The following CDH13 variants were observed in gnomAD, a reference collection of about 807,000 sequenced individuals.
CDH13 encodes the protein cadherin 13, also known as cadherin-13.
In CDH13, 24 loss-of-function variants were observed where a neutral mutation model predicts 63.8. The observed-to-expected ratio is 0.38, with a 90% CI of 0.27 to 0.53. The LOEUF is 0.53. Ranked by LOEUF, CDH13 falls within the 20% of genes least tolerant of loss-of-function variation. The pLI, the probability that CDH13 is intolerant of heterozygous loss-of-function variation, is 0.85. For synonymous variants in CDH13, 503 were observed against 355.3 expected (o/e 1.42, Z -4.67); for missense variants, 1,049 against 903.1 (o/e 1.16, Z -2.07).
At chr16:83,005,553 T>C (rs1440794652) in intron 2 of CDH13, among the ~76,000 whole-genome samples, 1 of 151,888 alleles carries the variant, frequency 6.6e-6, no homozygotes, top group Non-Finnish European at 1.5e-5. Flanking sequence ...TTTCCAGTTG[T>C]GAAGGGCAAA....
At chr16:82,912,573 C>T (rs1947692087) in intron 2 of CDH13, among the ~76,000 whole-genome samples, 1 of 152,278 alleles carries the variant, frequency 6.6e-6, no homozygotes, top group East Asian at 1.9e-4. Flanking sequence ...GATTGAAATA[C>T]TCTTAGTTGG....
intron 1 of CDH13, among the ~76,000 whole-genome samples, chr16:82,722,284 A>C (rs1252088134): frequency 6.6e-6 from 1 of 152,152 alleles, no homozygotes; most frequent in African/African-American, 2.4e-5. Context: ...GAATCTTGTT[A>C]AATGGTTTCT....
chr16:82,901,267 G>C (rs1425313597), intron 2 of CDH13, among the ~76,000 whole-genome samples: 1 of 151,322 alleles, frequency 6.6e-6, no homozygotes, highest in African/African-American at 2.4e-5. Flanking sequence ...CTCCTTGCAG[G>C]CCTTCAAATA....
At chr16:83,294,402 C>A (rs1040283585) in intron 5 of CDH13, among the ~76,000 whole-genome samples, 2 of 152,140 alleles carry the variant, frequency 1.3e-5, no homozygotes, top group Admixed American at 1.3e-4. Flanking sequence ...CAATTCCCTG[C>A]AACCACCCCA....
intron 7 of CDH13, 32 bp from the exon 8 acceptor site, chr16:83,602,422 T>C (rs1907937247): frequency 1.2e-6 from 2 of 1,612,964 alleles, no homozygotes; most frequent in Non-Finnish European, 1.7e-6. Context: ...AATCTAAATG[T>C]CATATTATTT....
At chr16:82,680,340 C>T (rs1914410912) in intron 1 of CDH13, among the ~76,000 whole-genome samples, 1 of 152,206 alleles carries the variant, frequency 6.6e-6, no homozygotes, top group Admixed American at 6.5e-5. Flanking sequence ...CCCTCATTCA[C>T]ATTCTACACA....
intron 8 of CDH13, among the ~76,000 whole-genome samples, chr16:83,644,965 C>T (rs542260885): frequency 7.9e-5 from 12 of 152,180 alleles, no homozygotes; most frequent in South Asian, 2.1e-4. Flanking sequence ...CTGGGCTCCT[C>T]GCTTGGACTT....
intron 3 of CDH13, among the ~76,000 whole-genome samples, chr16:83,034,270 T>G (rs1198877000): frequency 6.6e-6 from 1 of 152,144 alleles, no homozygotes; most frequent in Non-Finnish European, 1.5e-5. Flanking sequence ...CATTTAGTGG[T>G]GTTTCTGAGG....
chr16:83,677,150 C>T (rs1419443909), intron 9 of CDH13, among the ~76,000 whole-genome samples: 1 of 152,184 alleles, frequency 6.6e-6, no homozygotes, highest in Non-Finnish European at 1.5e-5. Context: ...CTGACAGAGA[C>T]CCACTCTGGG....
chr16:82,696,837 C>G (rs1025721226), intron 1 of CDH13, among the ~76,000 whole-genome samples: 1 of 152,144 alleles, frequency 6.6e-6, no homozygotes. Context: ...ATACTGTTGT[C>G]AAGATGTTGG....
intron 3 of CDH13, among the ~76,000 whole-genome samples, 199 bp from the exon 4 acceptor site, chr16:83,125,186 G>T (rs1002316760): frequency 3.3e-5 from 5 of 152,174 alleles, no homozygotes; most frequent in Non-Finnish European, 7.4e-5. Flanking sequence ...ATAGCTTAAT[G>T]ATAGTTATAG....
At chr16:82,741,082 C>G (rs1335509724) in intron 1 of CDH13, among the ~76,000 whole-genome samples, 4 of 152,294 alleles carry the variant, frequency 2.6e-5, no homozygotes, top group African/African-American at 9.6e-5. Context: ...CCCACACCCC[C>G]AAACCCAACA....
At chr16:82,939,148 G>A (rs1263102729) in intron 2 of CDH13, among the ~76,000 whole-genome samples, 1 of 152,192 alleles carries the variant, frequency 6.6e-6, no homozygotes, top group Non-Finnish European at 1.5e-5. Context: ...ACAAGGCTGG[G>A]TGCAGTGGCT....
At chr16:83,323,751 C>G (rs900875271) in intron 5 of CDH13, among the ~76,000 whole-genome samples, 4 of 152,242 alleles carry the variant, frequency 2.6e-5, no homozygotes, top group South Asian at 2.1e-4. Context: ...GGCCATCACA[C>G]TCTCCCTGCA....
intron 2 of CDH13, among the ~76,000 whole-genome samples, chr16:82,930,842 T>C (rs1389755584): frequency 6.6e-6 from 1 of 152,196 alleles, no homozygotes; most frequent in Non-Finnish European, 1.5e-5. Flanking sequence ...TAGGAAATGA[T>C]GACCTATCAG....
chr16:83,045,634 TAAA>T (rs71382861), intron 3 of CDH13, among the ~76,000 whole-genome samples: 18 of 107,910 alleles, frequency 1.7e-4, no homozygotes, highest in African/African-American at 5.2e-4. Context: ...AAGATTCCTT[TAAA>T]AAAAAAAAAA....
intron 13 of CDH13, among the ~76,000 whole-genome samples, chr16:83,793,975 A>G (rs1168606805): frequency 6.6e-6 from 1 of 152,156 alleles, no homozygotes; most frequent in Non-Finnish European, 1.5e-5. Flanking sequence ...ACAGAAACAG[A>G]GGGAGGTCAG....
At chr16:83,768,270 G>GA (rs11295084) in intron 11 of CDH13, among the ~76,000 whole-genome samples, 1 of 151,632 alleles carries the variant, frequency 6.6e-6, no homozygotes, top group Admixed American at 6.6e-5. Flanking sequence ...CAGAACCTGT[G>GA]AAAAAAAAAT....
At chr16:83,523,086 C>T (rs541984715) in intron 7 of CDH13, among the ~76,000 whole-genome samples, 166 of 152,320 alleles carry the variant, frequency 1.1e-3, no homozygotes, top group African/African-American at 3.8e-3. Context: ...CCCTATTCCA[C>T]CCTCCTCTGG....
Sources: gnomAD v4.1 joint callset for allele counts (sites outside exome capture counted in the v4.1 genomes callset) on GRCh38, gnomAD v4.1.1 for gene constraint, MANE v1.5 for transcripts, NCBI Gene and HGNC (gene_info 2026-07-23, HGNC 2026-07-21) for gene names.